Variants in PCDHGB2 observed in about 807,000 individuals in gnomAD.
PCDHGB2 encodes the protein protocadherin gamma-B2.
Under a neutral mutation model 59.3 loss-of-function variants are expected in PCDHGB2, and 55 were observed. The ratio of observed to expected loss-of-function variants is 0.93; its 90% CI spans 0.75 to 1.16. PCDHGB2 has a LOEUF of 1.16. Among genes scored for constraint, PCDHGB2 ranks in the 50% most tolerant of loss-of-function variants. The pLI, the probability that PCDHGB2 is intolerant of heterozygous loss-of-function variation, is 0.00. For synonymous variants in PCDHGB2, 516 were observed against 512.0 expected, an observed-to-expected ratio of 1.01 and a Z score of -0.11; for missense variants, 1,228 against 1,198.5, an observed-to-expected ratio of 1.02 and a Z score of -0.36.
chr5:141,490,380 T>A lies in PCDHGB2; in HGVS notation c.2422-4427T>A. On this transcript the variant is annotated intron_variant, in intron 1 of 3. Coordinates refer to ENST00000522605, the MANE Select transcript of PCDHGB2 (RefSeq NM_018923.3). The surrounding 1 kb of genome is among the most constrained non-coding windows in gnomAD (Gnocchi z 5.4). ...TTAATGTGCGAGACCGGGACTCAGG[T>A]AGAAATGGTGAAGTGAGCCTTGATA... 6.2e-7 allele frequency: 1 copy of A among 1,614,204 alleles called. No homozygotes were observed. The highest frequency in any genetic ancestry group is 1.7e-5 in the Admixed American group (1 of 60,026).
chr5:141,394,514 C>T, intron 1 of PCDHGB2: 1 of 1,614,230 alleles, frequency 6.2e-7, no homozygotes. Flanking sequence ...ACCCCGCCCT[C>T]CCCACAGACG....
At chr5:141,381,826 CTTTTTTTTTT>C (rs770630741) in intron 1 of PCDHGB2, among the ~76,000 whole-genome samples, 5 of 74,284 alleles carry the variant, frequency 6.7e-5, no homozygotes, top group South Asian at 5.1e-4. Context: ...CTTTCTTCTT[CTTTTTTTTTT>C]TTTTTTTTTT....
chr5:141,505,210 A>G (rs899138393), intron 2 of PCDHGB2, among the ~76,000 whole-genome samples, 183 bp from the exon 3 acceptor site: 3 of 152,192 alleles, frequency 2.0e-5, no homozygotes, highest in African/African-American at 7.2e-5. Flanking sequence ...GGTTTGAGGG[A>G]CTGACTTGTG....
intron 1 of PCDHGB2, chr5:141,427,047 C>T (rs1196561600): frequency 1.1e-5 from 5 of 457,294 alleles, no homozygotes; most frequent in Non-Finnish European, 1.8e-5. Flanking sequence ...GAATGTGCCC[C>T]CAGGCACCTC....
intron 1 of PCDHGB2, among the ~76,000 whole-genome samples, chr5:141,420,701 T>C (rs371823252): frequency 7.2e-5 from 11 of 152,226 alleles, no homozygotes; most frequent in Admixed American, 5.9e-4. Flanking sequence ...TATTTCCACT[T>C]CCAGAAATGT....
rs1562144438 is a variant in PCDHGB2, at chr5:141,491,135, G to T, written c.2422-3672G>T. The T allele has an allele frequency of 6.2e-7, 1 of 1,613,986 alleles. No individual in the cohort carries two copies. Among genetic ancestry groups the T allele is most frequent in the Non-Finnish European group, 8.5e-7 (1 of 1,180,000 alleles). On this transcript the variant is annotated intron_variant, in intron 1 of 3. Transcript: ENST00000522605. This position sits in a 1 kb window ranked among gnomAD's most constrained non-coding sequence, Gnocchi z 6.9. ...CACACTGGTGAGGTGCGCACAGCCC[G>T]GGCCTTACTGGAGGATGACTCTGAC...
At chr5:141,441,932 C>A in intron 1 of PCDHGB2, 1 of 347,904 alleles carries the variant, frequency 2.9e-6, no homozygotes. Flanking sequence ...GCGTGGCTGT[C>A]CTACCACGTG....
chr5:141,366,216 C>T, intron 1 of PCDHGB2: 1 of 1,613,804 alleles, frequency 6.2e-7, no homozygotes, highest in Non-Finnish European at 8.5e-7. Context: ...GTGCGCACAG[C>T]GCGAGCCCTG....
At chr5:141,498,964 G>A (rs1342764380) in intron 2 of PCDHGB2, among the ~76,000 whole-genome samples, 2 of 127,572 alleles carry the variant, frequency 1.6e-5, no homozygotes, top group Admixed American at 8.7e-5. Context: ...AGAGAGGGAG[G>A]GAGGGAGGGA....
chr5:141,408,561 T>C lies in PCDHGB2; in HGVS notation c.2421+46005T>C. On this transcript the variant is annotated intron_variant, in intron 1 of 3. Coordinates refer to ENST00000522605, the MANE Select transcript of PCDHGB2 (RefSeq NM_018923.3). ...AATCCTTTAAATATTTTTCATGTCA[T>C]TGTGGTGATTGAGGATGTTAATGAC... 6.2e-7 allele frequency: 1 copy of C among 1,613,994 alleles called. No homozygotes were observed.
chr5:141,374,386 G>A (rs933509212), intron 1 of PCDHGB2: 6 of 1,613,940 alleles, frequency 3.7e-6, no homozygotes, highest in Admixed American at 1.7e-5. Context: ...AGAGCCCGCG[G>A]TGTCTGGTGA....
At chr5:141,371,156 C>T in intron 1 of PCDHGB2, 1 of 1,614,020 alleles carries the variant, frequency 6.2e-7, no homozygotes, top group Non-Finnish European at 8.5e-7. Context: ...TTGCAGAGAA[C>T]CTGCCCGCTG....
Position 141,422,144 on chromosome 5 carries a change from G to A in PCDHGB2, c.2421+59588G>A, listed in dbSNP as rs748208921. On this transcript the variant is annotated intron_variant, in intron 1 of 3. Transcript: ENST00000522605. Reference sequence around the variant, plus strand: ...CAAACTGGAGAAGTTCAAGTACGGGGGTCTCTGGATTTTGAAAAATATAGA... The same window carrying A: ...CAAACTGGAGAAGTTCAAGTACGGGAGTCTCTGGATTTTGAAAAATATAGA... 1.9e-6 allele frequency: 3 copies of A among 1,583,402 alleles called. No individual in the cohort carries two copies. In the African/African-American group the frequency reaches 4.1e-5, roughly 22 times the overall value.
intron 1 of PCDHGB2, chr5:141,370,878 G>C (rs906619365): frequency 3.7e-6 from 6 of 1,613,918 alleles, no homozygotes; most frequent in Non-Finnish European, 5.1e-6. Flanking sequence ...AGATCCTGAT[G>C]TAGGTGTCAA....
chr5:141,476,453 G>C lies in PCDHGB2; in HGVS notation c.2422-18354G>C. On this transcript the variant is annotated intron_variant, in intron 1 of 3. Coordinates refer to ENST00000522605, the MANE Select transcript of PCDHGB2 (RefSeq NM_018923.3). This position sits in a 1 kb window ranked among gnomAD's most constrained non-coding sequence, Gnocchi z 7.6. The stretch of plus-strand genomic sequence containing the variant: ...CACTGTAACTCTGGAGTTGGTAGTG[G>C]AGAACCCGCTGGAGCTGTTCAGCGT... 2 of 1,614,138 alleles carry C rather than the reference G, an allele frequency of 1.2e-6. No homozygotes were observed. Among genetic ancestry groups the C allele is most frequent in the Non-Finnish European group, 1.7e-6 (2 of 1,180,022 alleles).
intron 1 of PCDHGB2, chr5:141,400,601 C>T (rs1401354209): frequency 1.3e-6 from 2 of 1,592,588 alleles, no homozygotes; most frequent in East Asian, 4.5e-5. Flanking sequence ...CGTACATTTT[C>T]AAGTCCAATG....
intron 1 of PCDHGB2, chr5:141,410,275 C>A: frequency 6.2e-7 from 1 of 1,614,038 alleles, no homozygotes; most frequent in Non-Finnish European, 8.5e-7. Context: ...TGCAGTTTTA[C>A]CTGGTGGTGG....
chr5:141,485,454 C>T lies in PCDHGB2; in HGVS notation c.2422-9353C>T. On this transcript the variant is annotated intron_variant, in intron 1 of 3. Transcript: ENST00000522605. This position sits in a 1 kb window ranked among gnomAD's most constrained non-coding sequence, Gnocchi z 5.7. Reference sequence around the variant, plus strand: ...ATCAAGAACCCAATCGACCGAGAGGCACTGTGTGGGCTCAGTGCCAGCTGC... The same window carrying T: ...ATCAAGAACCCAATCGACCGAGAGGTACTGTGTGGGCTCAGTGCCAGCTGC... The T allele has an allele frequency of 6.2e-7, 1 of 1,614,162 alleles. No homozygotes were observed. Among genetic ancestry groups the T allele is most frequent in the East Asian group, 2.2e-5 (1 of 44,868 alleles).
intron 1 of PCDHGB2, among the ~76,000 whole-genome samples, chr5:141,461,119 C>T (rs959427669): frequency 6.6e-6 from 1 of 152,016 alleles, no homozygotes; most frequent in Admixed American, 6.6e-5. Flanking sequence ...GTGTCTTTTT[C>T]ATATAATTAC....
Sources: allele counts gnomAD v4.1 joint callset (sites outside exome capture counted in the v4.1 genomes callset), GRCh38; gene constraint gnomAD v4.1.1; non-coding constraint Gnocchi (gnomAD v3.1); transcripts MANE v1.5; gene names NCBI Gene and HGNC (gene_info 2026-07-23, HGNC 2026-07-21).